The following FER variants were observed in gnomAD, a reference collection of about 807,000 sequenced individuals.
The protein encoded by FER is FER tyrosine kinase, also known as tyrosine-protein kinase Fer.
Under a neutral mutation model 111.0 loss-of-function variants are expected in FER, and 63 were observed. The observed-to-expected ratio is 0.57, with a 90% CI of 0.46 to 0.70. The LOEUF (loss-of-function observed/expected upper bound fraction) is 0.70, where lower values mean the gene tolerates loss of function less well. FER is among the 30% of genes least tolerant of loss of function. FER has a pLI of 0.00. For synonymous variants in FER, 327 were observed against 313.9 expected, an observed-to-expected ratio of 1.04 and a Z score of -0.44; for missense variants, 914 against 954.0, an observed-to-expected ratio of 0.96 and a Z score of 0.55.
At chr5:109,147,347 CAACCCCTTTGGGCGGTAAGTTAG>C (rs139648971) in intron 17 of FER, among the ~76,000 whole-genome samples, 41,782 of 151,696 alleles carry the variant, frequency 0.28, 5,891 homozygotes, top group African/African-American at 0.29. Context: ...GTAAATTGCA[CAACCCCTTTGGGCGGTAAGTTAG>C]AAATATATTT....
chr5:108,876,307 C>G (rs1765082992), intron 8 of FER, among the ~76,000 whole-genome samples: 1 of 152,184 alleles, frequency 6.6e-6, no homozygotes, highest in Admixed American at 6.5e-5. Flanking sequence ...TGGAACACAG[C>G]CATGCTCATT....
chr5:108,887,714 A>C (rs895086045), intron 9 of FER, among the ~76,000 whole-genome samples: 1 of 151,884 alleles, frequency 6.6e-6, no homozygotes, highest in Non-Finnish European at 1.5e-5. Context: ...ACAGAATATC[A>C]GTCTAGTATA....
chr5:109,060,047 C>CT (rs1435412717), intron 16 of FER, among the ~76,000 whole-genome samples: 3 of 152,142 alleles, frequency 2.0e-5, no homozygotes, highest in African/African-American at 7.2e-5. Context: ...ACCTCAAAAA[C>CT]TATCCCAAGT....
chr5:109,112,907 T>C (rs1749796724), intron 17 of FER, among the ~76,000 whole-genome samples: 1 of 152,146 alleles, frequency 6.6e-6, no homozygotes, highest in Non-Finnish European at 1.5e-5. Flanking sequence ...AGCTTTCTGA[T>C]CTGATATATC....
intron 13 of FER, among the ~76,000 whole-genome samples, chr5:109,029,502 C>G (rs375822116): frequency 2.1e-4 from 30 of 145,294 alleles, no homozygotes; most frequent in African/African-American, 5.7e-4. Flanking sequence ...GATCTCTTGG[C>G]CTGAAGCAAT....
chr5:108,996,728 T>C (rs997528830), intron 13 of FER, among the ~76,000 whole-genome samples: 1 of 152,188 alleles, frequency 6.6e-6, no homozygotes, highest in Non-Finnish European at 1.5e-5. Flanking sequence ...TTGCTAGGAT[T>C]GTCTTGGCTG....
chr5:109,090,276 T>G (rs892247898), intron 16 of FER, among the ~76,000 whole-genome samples: 1 of 152,168 alleles, frequency 6.6e-6, no homozygotes, highest in African/African-American at 2.4e-5. Flanking sequence ...GGAAATTACA[T>G]GCACAATCTC....
At position 109,055,623 on chromosome 5, in the gene FER, AC is replaced by A. The variant is rs144830338; in HGVS notation, c.1924+8426del. Among the ~76,000 whole-genome samples the A allele has an allele frequency of 2.3e-3, 342 of 150,652 alleles. 2 individuals are homozygous for A. Among genetic ancestry groups the A allele is most frequent in the African/African-American group, 7.5e-3 (307 of 41,150 alleles). ...AACGTAGTGAGATCCTGTCTCTATG[AC>A]TTTTTTTTTTAAATTAACCAGACAT... On this transcript the variant is annotated intron_variant, in intron 16 of 19. Transcript: ENST00000281092.
chr5:109,065,368 T>C (rs1936527937), intron 16 of FER, among the ~76,000 whole-genome samples: 1 of 152,222 alleles, frequency 6.6e-6, no homozygotes, highest in African/African-American at 2.4e-5. Flanking sequence ...ATTCAGATTC[T>C]ATTATGTAGA....
chr5:109,030,960 C>T (rs1028751996), intron 13 of FER, among the ~76,000 whole-genome samples: 5 of 151,998 alleles, frequency 3.3e-5, no homozygotes, highest in African/African-American at 1.2e-4. Context: ...GGCTTGGTCG[C>T]TCATTTGTCT....
In FER at chr5:108,933,215, T is replaced by G. The variant is rs138660949; in HGVS notation, c.1237-12915T>G. On this transcript the variant is annotated intron_variant, in intron 10 of 19. Transcript: ENST00000281092. The stretch of plus-strand genomic sequence containing the variant: ...TTGCCTAGGTTTTCTTCTAGAGTTT[T>G]TATGATTTTAGGTCTTACGTTTAAG... Among the ~76,000 whole-genome samples, 30 of 152,350 alleles carry G rather than the reference T, an allele frequency of 2.0e-4. 1 individual carries two copies. The East Asian group carries it at 4.8e-3, about 24-fold the overall frequency.
intron 6 of FER, among the ~76,000 whole-genome samples, chr5:108,868,721 T>C (rs545951400): frequency 1.6e-4 from 24 of 152,052 alleles, no homozygotes; most frequent in Non-Finnish European, 2.6e-4. Flanking sequence ...AATGGTTATC[T>C]CTCAGGTGGA....
At chr5:108,861,754 T>G (rs1377010542) in intron 5 of FER, among the ~76,000 whole-genome samples, 1 of 152,200 alleles carries the variant, frequency 6.6e-6, no homozygotes, top group Non-Finnish European at 1.5e-5. Context: ...ATTAGGTTAT[T>G]TTTTGCAATA....
chr5:108,996,232 G>A (rs1763962427), intron 13 of FER, among the ~76,000 whole-genome samples: 1 of 152,114 alleles, frequency 6.6e-6, no homozygotes, highest in Admixed American at 6.5e-5. Context: ...TCTGATGATA[G>A]TTTCTTTTGC....
chr5:108,920,533 G>C (rs1752889077), intron 10 of FER, among the ~76,000 whole-genome samples: 1 of 151,642 alleles, frequency 6.6e-6, no homozygotes, highest in South Asian at 2.1e-4. Context: ...GGTATTTTCA[G>C]TCAATTGCTT....
chr5:108,759,963 G>T (rs1334935158), intron 1 of FER, among the ~76,000 whole-genome samples: 1 of 152,152 alleles, frequency 6.6e-6, no homozygotes. Flanking sequence ...CATAATACAG[G>T]TATATTTCAC....
At chr5:109,000,426 T>G (rs1240148706) in intron 13 of FER, among the ~76,000 whole-genome samples, 1 of 151,686 alleles carries the variant, frequency 6.6e-6, no homozygotes, top group Non-Finnish European at 1.5e-5. Flanking sequence ...TTAAAAATAT[T>G]TATCGCTAAA....
At chr5:109,157,390 C>A (rs189353637) in intron 17 of FER, among the ~76,000 whole-genome samples, 430 of 152,222 alleles carry the variant, frequency 2.8e-3, no homozygotes, top group Admixed American at 6.1e-3. Flanking sequence ...GTTCTAAATT[C>A]TACTCCCTTT....
intron 13 of FER, among the ~76,000 whole-genome samples, chr5:108,968,678 A>C (rs1760219894): frequency 1.3e-5 from 2 of 152,276 alleles, no homozygotes; most frequent in South Asian, 4.1e-4. Flanking sequence ...GGAAGTAATA[A>C]AACTAAAAGC....
Sources: allele counts gnomAD v4.1 joint callset (sites outside exome capture counted in the v4.1 genomes callset), GRCh38; gene constraint gnomAD v4.1.1; transcripts MANE v1.5; gene names NCBI Gene and HGNC (gene_info 2026-07-23, HGNC 2026-07-21).